PPARGC1A: variants seen among roughly 807,000 people sequenced by gnomAD.
The protein encoded by PPARGC1A is PPARG coactivator 1 alpha.
PPARGC1A carries 25 observed loss-of-function variants against 88.7 expected under a neutral mutation model. That is an observed-to-expected ratio of 0.28 (90% confidence interval 0.21 to 0.39). The LOEUF is 0.39. PPARGC1A is among the 10% of genes least tolerant of loss of function. The pLI is 1.00. For missense variants in PPARGC1A, 880 were observed against 968.7 expected (o/e 0.91, Z 1.22); for synonymous variants, 363 against 355.6 (o/e 1.02, Z -0.24).
the PPARGC1A span, among the ~76,000 whole-genome samples, chr4:24,164,382 C>G: frequency 7.9e-4 from 120 of 152,258 alleles, no homozygotes; most frequent in African/African-American, 2.7e-3. Context: ...CAAAATGTGT[C>G]TCCCCTCATG....
the PPARGC1A span, among the ~76,000 whole-genome samples, chr4:24,131,294 GT>G: frequency 2.6e-5 from 4 of 152,138 alleles, no homozygotes; most frequent in South Asian, 4.1e-4. Context: ...CTGCTGGTTC[GT>G]CCAAAAGCAT....
the PPARGC1A span, among the ~76,000 whole-genome samples, chr4:24,327,169 G>A: frequency 1.1e-3 from 162 of 152,238 alleles, no homozygotes; most frequent in South Asian, 3.9e-3. Context: ...ATGCTACAAG[G>A]GACAGCCCAT....
the PPARGC1A span, among the ~76,000 whole-genome samples, chr4:24,462,207 T>C: frequency 6.6e-6 from 1 of 151,708 alleles, no homozygotes; most frequent in Non-Finnish European, 1.5e-5. Context: ...TGTCTCAGCC[T>C]CCCAAGTAGC....
the PPARGC1A span, among the ~76,000 whole-genome samples, chr4:23,981,458 A>C: frequency 6.6e-6 from 1 of 152,156 alleles, no homozygotes; most frequent in African/African-American, 2.4e-5. Flanking sequence ...CCTCCCTATA[A>C]GTCTCCTTGT....
the PPARGC1A span, among the ~76,000 whole-genome samples, chr4:24,052,150 T>C: frequency 3.9e-5 from 6 of 152,192 alleles, no homozygotes; most frequent in Admixed American, 6.5e-5. Context: ...ACTGCTATTA[T>C]TGAAAATCAT....
rs368490235 is a variant in PPARGC1A at position 23,795,788 on chromosome 4, G to T, written c.*34C>A. 4 of 1,499,844 alleles carry T rather than the reference G, an allele frequency of 2.7e-6. No individual in the cohort carries two copies. Among genetic ancestry groups the T allele is most frequent in the Non-Finnish European group, 2.8e-6 (3 of 1,090,718 alleles). 92.9% of individuals were successfully genotyped at this position (1,499,844 alleles called of 1,614,324 possible). On this transcript the variant is annotated 3_prime_UTR_variant, in exon 13 of 13. Coordinates refer to ENST00000264867, the MANE Select transcript of PPARGC1A (RefSeq NM_013261.5). ...GGACGCGCTGTCCCATGAGGTATTC[G>T]CCATCCCTCTGTCATCCTCAGCTAG... is the stretch of plus-strand genomic sequence containing the variant.
chr4:24,354,865 C>T, the PPARGC1A span, among the ~76,000 whole-genome samples: 278 of 151,460 alleles, frequency 1.8e-3, 1 homozygote, highest in Middle Eastern at 3.4e-3. Context: ...CCAGCATGGG[C>T]GACAGAGCAA....
At chr4:24,228,853 CT>C in the PPARGC1A span, among the ~76,000 whole-genome samples, 31 of 152,256 alleles carry the variant, frequency 2.0e-4, no homozygotes, top group African/African-American at 7.0e-4. Flanking sequence ...CAAAGTCCAT[CT>C]TTTTGTTTGC....
At chr4:24,249,341 A>C in the PPARGC1A span, among the ~76,000 whole-genome samples, 1 of 152,220 alleles carries the variant, frequency 6.6e-6, no homozygotes, top group Middle Eastern at 3.4e-3. Context: ...ACAATCTAAA[A>C]CCAGAAGGTT....
At chr4:23,914,874 T>C in the PPARGC1A span, among the ~76,000 whole-genome samples, 1 of 152,244 alleles carries the variant, frequency 6.6e-6, no homozygotes, top group African/African-American at 2.4e-5. Context: ...GATGCTGATA[T>C]TAATATTTTG....
rs1717441944 is a variant in PPARGC1A at position 23,795,613 on chromosome 4, C to G, written c.*209G>C. 9.8e-6 allele frequency: 5 copies of G among 511,552 alleles called. No individual in the cohort carries two copies. In the South Asian group the frequency reaches 1.2e-4, roughly 12 times the overall value. The allele number at this position is 511,552 out of a possible 1,614,324, so 31.7% of individuals were successfully genotyped here. A position where few individuals can be genotyped will look rare whatever the true frequency, so the allele number is the denominator to read the frequency against. On this transcript the variant is annotated 3_prime_UTR_variant, in exon 13 of 13. Coordinates refer to ENST00000264867, the MANE Select transcript of PPARGC1A (RefSeq NM_013261.5). ...GTGCTTACTGGATATCATTCTGTCT[C>G]TTGCCTCTTCAGCAGCTGTGTTCAT...
chr4:24,052,061 G>C, the PPARGC1A span, among the ~76,000 whole-genome samples: 1 of 152,088 alleles, frequency 6.6e-6, no homozygotes, highest in Non-Finnish European at 1.5e-5. Context: ...AAGAAAAAAG[G>C]CAATGGGAAA....
chr4:23,873,646 G>A (rs796970655), intron 2 of PPARGC1A, among the ~76,000 whole-genome samples: 3 of 152,082 alleles, frequency 2.0e-5, no homozygotes, highest in African/African-American at 7.2e-5. Flanking sequence ...TCTCAACTAA[G>A]TTTGAATAAA....
the PPARGC1A span, among the ~76,000 whole-genome samples, chr4:24,271,306 C>T: frequency 0.37 from 51,933 of 142,254 alleles, 9,641 homozygotes; most frequent in East Asian, 0.57. Context: ...CTTTAAATAG[C>T]GGACTGAGTT....
At chr4:23,976,308 C>T in the PPARGC1A span, among the ~76,000 whole-genome samples, 2 of 152,090 alleles carry the variant, frequency 1.3e-5, no homozygotes, top group African/African-American at 4.8e-5. Flanking sequence ...AGGAGTAGAG[C>T]TGATCTCTGG....
upstream of PPARGC1A, among the ~76,000 whole-genome samples, chr4:23,892,665 T>C (rs545652462): frequency 1.3e-5 from 2 of 152,126 alleles, no homozygotes; most frequent in Admixed American, 1.3e-4. Context: ...ACTATTTCTC[T>C]TACTCTCTAC....
chr4:24,189,754 A>G, the PPARGC1A span, among the ~76,000 whole-genome samples: 1 of 152,078 alleles, frequency 6.6e-6, no homozygotes, highest in Non-Finnish European at 1.5e-5. Flanking sequence ...CTCACTTTTC[A>G]TGTATTTAGT....
At chr4:24,470,302 ACACACACACACACACACACACACT>A in the PPARGC1A span, among the ~76,000 whole-genome samples, 7 of 146,438 alleles carry the variant, frequency 4.8e-5, no homozygotes, top group African/African-American at 7.8e-5. This position sits in a 1 kb window ranked among gnomAD's most constrained non-coding sequence, Gnocchi z 5.8. Context: ...ACACACACAC[ACACACACACACACACACACACACT>A]CTCTCACACA....
At chr4:24,260,471 A>T in the PPARGC1A span, among the ~76,000 whole-genome samples, 1 of 152,252 alleles carries the variant, frequency 6.6e-6, no homozygotes, top group Non-Finnish European at 1.5e-5. Flanking sequence ...TTCCCCGAGC[A>T]TCTGAACATC....
Sources: allele counts gnomAD v4.1 joint callset (sites outside exome capture counted in the v4.1 genomes callset), GRCh38; gene constraint gnomAD v4.1.1; non-coding constraint Gnocchi (gnomAD v3.1); transcripts MANE v1.5; gene names NCBI Gene and HGNC (gene_info 2026-07-23, HGNC 2026-07-21).